Variants in DMD observed in about 807,000 individuals in gnomAD.
DMD encodes dystrophin, also known as mutant dystrophin.
Under a neutral mutation model 330.1 loss-of-function variants are expected in DMD, and 63 were observed. The observed-to-expected ratio is 0.19, with a 90% CI of 0.16 to 0.24. The LOEUF (loss-of-function observed/expected upper bound fraction) is 0.24, where lower values mean the gene tolerates loss of function less well. DMD is among the 10% of genes least tolerant of loss of function. DMD has a pLI of 1.00. For missense variants in DMD, 3,344 were observed against 2,684.1 expected, an observed-to-expected ratio of 1.25 and a Z score of -5.43; for synonymous variants, 1,223 against 959.8, an observed-to-expected ratio of 1.27 and a Z score of -5.07.
At chrX:31,797,862 G>A (rs1215086597) in intron 50 of DMD, among the ~76,000 whole-genome samples, 2 of 111,861 alleles carry the variant, frequency 1.8e-5, no homozygotes, top group African/African-American at 6.5e-5. Flanking sequence ...AAGATTTATA[G>A]GTGGTAAGAA....
rs1603635948 is a variant in DMD at position 32,545,206 on chromosome X, A to C, written c.2121T>G (p.Pro707=). 8.3e-7 allele frequency: 1 copy of C among 1,210,090 alleles called. No homozygotes were observed. Among genetic ancestry groups the C allele is most frequent in the South Asian group, 1.8e-5 (1 of 56,918 alleles). The stretch of plus-strand genomic sequence containing the variant: ...CAGTAATCTGCCTCTTCTTTTGGGG[A>C]GGTGGTGGTGGAAGTTCCTCTTGAG... The part of the protein sequence containing the change: ...KHAQEELPPP[P]PQKKRQITVD... The change falls in exon 17 of 79, where the codon CCT becomes CCG. Residue 707 remains proline (P), a synonymous_variant. Coordinates refer to ENST00000357033, the MANE Select transcript of DMD (RefSeq NM_004006.3).
intron 60 of DMD, among the ~76,000 whole-genome samples, chrX:31,431,593 C>T (rs2064085572): frequency 9.1e-6 from 1 of 109,759 alleles, no homozygotes; most frequent in South Asian, 3.9e-4. Flanking sequence ...GATGGGGTTT[C>T]TCCATGTTGG....
At chrX:32,206,301 T>C (rs1398091214) in intron 44 of DMD, 11 of 547,639 alleles carry the variant, frequency 2.0e-5, no homozygotes, top group Admixed American at 7.0e-5. Context: ...CATAAGTATA[T>C]CTGGAAAGCG....
chrX:32,606,118 T>C (rs1490349611), intron 12 of DMD, among the ~76,000 whole-genome samples: 6 of 110,513 alleles, frequency 5.4e-5, no homozygotes, highest in African/African-American at 2.0e-4. Context: ...TCAAATATTA[T>C]GTCTTTTCAT....
At chrX:31,151,969 C>T (rs1334811664) in intron 74 of DMD, among the ~76,000 whole-genome samples, 4 of 112,163 alleles carry the variant, frequency 3.6e-5, no homozygotes, top group Non-Finnish European at 7.5e-5. Context: ...GTGTTGTACA[C>T]AGTAACATTC....
intron 44 of DMD, among the ~76,000 whole-genome samples, chrX:32,052,263 A>C (rs1410273907): frequency 1.0e-5 from 1 of 99,879 alleles, no homozygotes; most frequent in Non-Finnish European, 1.9e-5. Context: ...CAAGGTCCAT[A>C]ATTTTTTTTT....
At chrX:33,005,309 T>TATATATAA (rs745454756) in intron 2 of DMD, among the ~76,000 whole-genome samples, 7 of 108,141 alleles carry the variant, frequency 6.5e-5, no homozygotes, top group African/African-American at 2.3e-4. Flanking sequence ...TATATATATA[T>TATATATAA]AATATGTCAA....
At chrX:33,259,609 C>CCCCCCCCA (rs1491168746) in intron 1 of DMD, among the ~76,000 whole-genome samples, 1 of 56,705 alleles carries the variant, frequency 1.8e-5, no homozygotes, top group African/African-American at 6.5e-5. Context: ...CCCCCCCCCC[C>CCCCCCCCA]AAAAAAAAAA....
intron 54 of DMD, among the ~76,000 whole-genome samples, chrX:31,644,692 C>A (rs2079978831): frequency 8.9e-6 from 1 of 112,115 alleles, no homozygotes; most frequent in African/African-American, 3.2e-5. Flanking sequence ...GAGTCCCAAG[C>A]CACTGGTTTG....
At chrX:32,730,960 C>T (rs1001433587) in intron 7 of DMD, among the ~76,000 whole-genome samples, 2 of 111,717 alleles carry the variant, frequency 1.8e-5, no homozygotes, top group Non-Finnish European at 3.8e-5. Flanking sequence ...GAGTGAGCGA[C>T]GCAGAAGACG....
intron 64 of DMD, among the ~76,000 whole-genome samples, chrX:31,222,182 C>T (rs1371004539): frequency 2.1e-5 from 2 of 93,448 alleles, no homozygotes; most frequent in East Asian, 3.3e-4. Flanking sequence ...GGTGACAGAG[C>T]GAGACTCTGT....
chrX:33,172,685 T>C (rs1215851493), intron 1 of DMD, among the ~76,000 whole-genome samples: 1 of 112,050 alleles, frequency 8.9e-6, no homozygotes, highest in Admixed American at 9.5e-5. Context: ...AGTAAGATCT[T>C]ATCCTGCATT....
chrX:32,207,812 T>A (rs2097076784), intron 44 of DMD, among the ~76,000 whole-genome samples: 1 of 112,073 alleles, frequency 8.9e-6, no homozygotes, highest in Non-Finnish European at 1.9e-5. Flanking sequence ...AATTGCATTG[T>A]TTTAAAGTTA....
chrX:32,342,886 A>G (rs1242371936), intron 40 of DMD: 3 of 425,730 alleles, frequency 7.0e-6, no homozygotes, highest in Admixed American at 2.9e-5. Flanking sequence ...TTACAATTTT[A>G]CCAGAAAACA....
intron 37 of DMD, among the ~76,000 whole-genome samples, chrX:32,352,487 C>A (rs1331073471): frequency 9.0e-6 from 1 of 110,705 alleles, no homozygotes; most frequent in Non-Finnish European, 1.9e-5. Flanking sequence ...ATATTCTCTT[C>A]AAAACCCACA....
intron 49 of DMD, among the ~76,000 whole-genome samples, chrX:31,827,949 T>G (rs2092926939): frequency 8.9e-6 from 1 of 112,009 alleles, no homozygotes; most frequent in African/African-American, 3.2e-5. Context: ...TGTTAAATAC[T>G]ACATCAAAAA....
At chrX:32,387,122 C>G (rs901202609) in intron 32 of DMD, among the ~76,000 whole-genome samples, 8 of 110,809 alleles carry the variant, frequency 7.2e-5, no homozygotes, top group Non-Finnish European at 1.1e-4. Flanking sequence ...ATATTATTGA[C>G]AATTCACATG....
chrX:31,446,936 G>A (rs1306694803), intron 59 of DMD, among the ~76,000 whole-genome samples: 1 of 111,729 alleles, frequency 9.0e-6, no homozygotes, highest in African/African-American at 3.3e-5. Flanking sequence ...TGAGTCCTTT[G>A]TGCTAATCAT....
At position 33,010,400 on chromosome X, in the gene DMD, A is replaced by T. The variant is rs781324560; in HGVS notation, c.93+9739T>A. On this transcript the variant is annotated intron_variant, in intron 2 of 78. Transcript: ENST00000357033. ...TATACACATTTTTTAAAAAATAGGT[A>T]TAGGTTGAGCCTCTCAAATCCAAAA... Among the ~76,000 whole-genome samples the T allele has an allele frequency of 6.4e-5, 7 of 108,755 alleles. No homozygotes were observed. In the South Asian group the frequency reaches 2.7e-3, roughly 42 times the overall value. The allele number at this position is 108,755 out of a possible 115,157, so 94.4% of individuals were successfully genotyped here.
Sources: allele counts gnomAD v4.1 joint callset (sites outside exome capture counted in the v4.1 genomes callset), GRCh38; gene constraint gnomAD v4.1.1; transcripts MANE v1.5; gene names NCBI Gene and HGNC (gene_info 2026-07-23, HGNC 2026-07-21).